MTA3: variants seen among roughly 807,000 people sequenced by gnomAD.
The protein encoded by MTA3 is metastasis associated 1 family member 3.
Under a neutral mutation model 83.5 loss-of-function variants are expected in MTA3, and 34 were observed. The ratio of observed to expected loss-of-function variants is 0.41; its 90% CI spans 0.31 to 0.54. MTA3 has a LOEUF of 0.54. Among genes scored for constraint, MTA3 ranks in the 20% least tolerant of loss-of-function variants. The pLI, the probability that MTA3 is intolerant of heterozygous loss-of-function variation, is 0.33. For missense variants in MTA3, 761 were observed against 726.4 expected (o/e 1.05, Z -0.55); for synonymous variants, 303 against 252.7 (o/e 1.20, Z -1.89).
At chr2:42,679,644 G>C (rs1691690053) in intron 8 of MTA3, among the ~76,000 whole-genome samples, 2 of 152,202 alleles carry the variant, frequency 1.3e-5, no homozygotes, top group Admixed American at 1.3e-4. Context: ...GTGTCACACA[G>C]ATCTCTCCAG....
chr2:42,740,860 C>T (rs1299037884), intron 16 of MTA3, among the ~76,000 whole-genome samples: 2 of 152,236 alleles, frequency 1.3e-5, no homozygotes, highest in East Asian at 1.9e-4. Flanking sequence ...TGAACACTGG[C>T]TTCAACTTAA....
intron 2 of MTA3, among the ~76,000 whole-genome samples, chr2:42,509,638 G>C (rs1205691748): frequency 2.0e-5 from 3 of 152,038 alleles, no homozygotes; most frequent in Non-Finnish European, 4.4e-5. Context: ...AGGCGTGGTG[G>C]CATGAGCCTG....
At chr2:42,599,777 G>A (rs892855716) in intron 3 of MTA3, among the ~76,000 whole-genome samples, 2 of 152,090 alleles carry the variant, frequency 1.3e-5, no homozygotes, top group Admixed American at 6.5e-5. Flanking sequence ...GTATAATATG[G>A]TTGACTCATT....
chr2:42,519,427 G>A (rs952456300), intron 2 of MTA3, among the ~76,000 whole-genome samples: 1 of 151,966 alleles, frequency 6.6e-6, no homozygotes, highest in Non-Finnish European at 1.5e-5. Context: ...CCAACATGGT[G>A]AAACCCCCTC....
At chr2:42,515,584 C>CGTA (rs1388353009) in intron 2 of MTA3, among the ~76,000 whole-genome samples, 1 of 151,046 alleles carries the variant, frequency 6.6e-6, no homozygotes, top group East Asian at 2.0e-4. Context: ...CTCACTACAA[C>CGTA]CTCTGCCTCC....
rs1207017667 is a variant in MTA3, at chr2:42,644,222, C to G, written c.477C>G (p.Asp159Glu). ...GAGTGGGACCTAGATATCAAGCAGA[C>G]ATTCCAGAAATGCTGTTAGAAGGTA... is the stretch of plus-strand genomic sequence containing the variant. ...EIRVGPRYQA[D>E]IPEMLLEGES... The change falls in exon 6 of 17, where the codon GAC becomes GAG. Residue 159 changes from aspartate to glutamate, a missense_variant. Asp to Glu is a conservative substitution (Grantham distance 45, BLOSUM62 2). Transcript: ENST00000405094. 4 of 1,610,916 alleles carry G rather than the reference C, an allele frequency of 2.5e-6. No homozygotes were observed. Among genetic ancestry groups the G allele is most frequent in the Non-Finnish European group, 3.4e-6 (4 of 1,178,646 alleles).
At chr2:42,549,628 CATAT>C (rs1558429349) in intron 2 of MTA3, among the ~76,000 whole-genome samples, 4 of 115,292 alleles carry the variant, frequency 3.5e-5, no homozygotes, top group African/African-American at 1.5e-4. Context: ...ATATTATATA[CATAT>C]ACATATATAA....
At chr2:42,507,773 G>A (rs544916056) in intron 2 of MTA3, among the ~76,000 whole-genome samples, 1 of 151,568 alleles carries the variant, frequency 6.6e-6, no homozygotes, top group Non-Finnish European at 1.5e-5. Flanking sequence ...CTACAGAAAC[G>A]TTAAAAAATT....
At chr2:42,654,103 C>A (rs1440633077) in intron 6 of MTA3, among the ~76,000 whole-genome samples, 4 of 152,194 alleles carry the variant, frequency 2.6e-5, no homozygotes, top group African/African-American at 9.7e-5. Flanking sequence ...AACCTTAGAT[C>A]TTTTTGGCCT....
chr2:42,731,036 T>C (rs899729810), intron 16 of MTA3, among the ~76,000 whole-genome samples: 1 of 152,150 alleles, frequency 6.6e-6, no homozygotes, highest in African/African-American at 2.4e-5. Flanking sequence ...TGAATTTCTG[T>C]GATATCAGTT....
At chr2:42,530,057 C>T (rs1193513455) in intron 2 of MTA3, among the ~76,000 whole-genome samples, 6 of 151,608 alleles carry the variant, frequency 4.0e-5, no homozygotes, top group Non-Finnish European at 5.9e-5. Flanking sequence ...TGGTGGTGGG[C>T]GCCTGTAATC....
At chr2:42,709,551 A>T (rs1372195224) in intron 14 of MTA3, 1 of 155,820 alleles carries the variant, frequency 6.4e-6, no homozygotes. Context: ...CTAATTAGAG[A>T]CTGTATGTCT....
intron 3 of MTA3, among the ~76,000 whole-genome samples, chr2:42,601,662 C>G (rs1202052832): frequency 2.0e-5 from 3 of 150,230 alleles, no homozygotes; most frequent in Non-Finnish European, 4.5e-5. Flanking sequence ...AGCTGGGATT[C>G]CAGGTTCACG....
intron 3 of MTA3, among the ~76,000 whole-genome samples, chr2:42,594,189 T>A (rs1295827905): frequency 6.6e-6 from 1 of 151,146 alleles, no homozygotes; most frequent in Non-Finnish European, 1.5e-5. Context: ...TGACTTCAGA[T>A]GATCCACCTG....
chr2:42,524,648 G>C (rs1341068861), intron 2 of MTA3, among the ~76,000 whole-genome samples: 1 of 151,700 alleles, frequency 6.6e-6, no homozygotes, highest in South Asian at 2.1e-4. Context: ...TTTGGGGGAA[G>C]TGCAAGACCA....
intron 2 of MTA3, among the ~76,000 whole-genome samples, chr2:42,548,831 T>TATATTATATATATAATATATATATATATA: frequency 1.2e-4 from 1 of 8,536 alleles, no homozygotes; most frequent in South Asian, 2.6e-3. Flanking sequence ...ATATATATAA[T>TATATTATATATATAATATATATATATATA]ATATATATAT....
intron 4 of MTA3, among the ~76,000 whole-genome samples, chr2:42,622,094 C>G (rs1417678074): frequency 1.3e-5 from 2 of 152,186 alleles, no homozygotes; most frequent in Non-Finnish European, 2.9e-5. Flanking sequence ...GATCACGCCA[C>G]TGCACTCCAG....
chr2:42,698,455 G>A (rs1241836188), intron 11 of MTA3: 1 of 151,762 alleles, frequency 6.6e-6, no homozygotes, highest in African/African-American at 2.4e-5. Context: ...CAGCACTTTG[G>A]GGAACCTCGT....
chr2:42,753,603 C>T lies in MTA3; in HGVS notation c.*204C>T. 1 of 1,380,056 alleles carries T rather than the reference C, an allele frequency of 7.2e-7. No individual in the cohort carries two copies. The highest frequency in any genetic ancestry group is 1.5e-5 in the African/African-American group (1 of 67,838). The allele number at this position is 1,380,056 out of a possible 1,614,324, so 85.5% of individuals were successfully genotyped here. ...TGTGTCTCCACGTGTGGATCAGCAG[C>T]ACCTCGCTTTCTTGTCAGAGACCTC... On this transcript the variant is annotated 3_prime_UTR_variant, in exon 17 of 17. Transcript: ENST00000405094.
Sources: allele counts gnomAD v4.1 joint callset (sites outside exome capture counted in the v4.1 genomes callset), GRCh38; gene constraint gnomAD v4.1.1; transcripts MANE v1.5; gene names NCBI Gene and HGNC (gene_info 2026-07-23, HGNC 2026-07-21).